DSCAML1: variants seen among roughly 807,000 people sequenced by gnomAD.
The protein encoded by DSCAML1 is DS cell adhesion molecule like 1, also known as cell adhesion molecule DSCAML1.
Under a neutral mutation model 200.5 loss-of-function variants are expected in DSCAML1, and 38 were observed. The ratio of observed to expected loss-of-function variants is 0.19; its 90% CI spans 0.15 to 0.25. DSCAML1 has a LOEUF of 0.25. Among genes scored for constraint, DSCAML1 ranks in the 10% least tolerant of loss-of-function variants. DSCAML1 has a pLI of 1.00. For synonymous variants in DSCAML1, 1,215 were observed against 1,165.0 expected, an observed-to-expected ratio of 1.04 and a Z score of -0.87; for missense variants, 2,223 against 2,858.8, an observed-to-expected ratio of 0.78 and a Z score of 5.07.
chr11:117,671,989 T>A (rs1411655914), intron 3 of DSCAML1, among the ~76,000 whole-genome samples: 1 of 150,804 alleles, frequency 6.6e-6, no homozygotes, highest in Admixed American at 6.6e-5. Context: ...TAGTCCCAGC[T>A]ACTCGGGAGG....
chr11:117,634,519 G>T (rs1409850202), intron 3 of DSCAML1, among the ~76,000 whole-genome samples: 1 of 152,228 alleles, frequency 6.6e-6, no homozygotes, highest in Non-Finnish European at 1.5e-5. Context: ...CATGCTGCAA[G>T]ATGTGGCGGG....
At chr11:117,684,236 A>T (rs2053362499) in intron 3 of DSCAML1, among the ~76,000 whole-genome samples, 1 of 152,050 alleles carries the variant, frequency 6.6e-6, no homozygotes, top group South Asian at 2.1e-4. Flanking sequence ...AGAGCAAAAG[A>T]GGGACAGATC....
intron 3 of DSCAML1, among the ~76,000 whole-genome samples, chr11:117,603,965 A>G (rs768044355): frequency 6.6e-6 from 1 of 152,226 alleles, no homozygotes; most frequent in African/African-American, 2.4e-5. Context: ...TATTGGTTCC[A>G]TTTAATTGAT....
intron 17 of DSCAML1, 25 bp from the exon 18 acceptor site, chr11:117,461,621 A>G: frequency 6.2e-7 from 1 of 1,604,916 alleles, no homozygotes; most frequent in South Asian, 1.1e-5. Flanking sequence ...GGGAGAACCA[A>G]GGGTCCAGTC....
chr11:117,651,075 G>A (rs1448109785), intron 3 of DSCAML1, among the ~76,000 whole-genome samples: 1 of 152,258 alleles, frequency 6.6e-6, no homozygotes, highest in Non-Finnish European at 1.5e-5. Flanking sequence ...GACCATGGGG[G>A]ACATGGACAT....
Position 117,521,147 on chromosome 11 carries a change from G to C in DSCAML1, c.1196C>G (p.Ala399Gly). 2 of 1,612,886 alleles carry C rather than the reference G, an allele frequency of 1.2e-6. No homozygotes were observed. The highest frequency in any genetic ancestry group is 1.7e-6 in the Non-Finnish European group (2 of 1,179,002). Residue 399 changes from alanine to glycine, a missense_variant, in exon 6 of 33, where the codon GCC (alanine) becomes GGC (glycine). Around this residue, in one of 7 missense-constraint regions of DSCAML1, gnomAD observed 579 missense variants for 721.5 expected, o/e 0.80. Coordinates refer to ENST00000651296, the MANE Select transcript of DSCAML1 (RefSeq NM_020693.4). Reference sequence around the variant, plus strand: ...CAGCTCACCCTCAAGTGCAATGATGGCAAAGTCCTGGGCGGTCTGGGCCTT... The same window carrying C: ...CAGCTCACCCTCAAGTGCAATGATGCCAAAGTCCTGGGCGGTCTGGGCCTT... ...TRKAQTAQDF[A>G]IIALEDGTPR... is the part of the protein sequence containing the mutation.
intron 3 of DSCAML1, among the ~76,000 whole-genome samples, chr11:117,710,876 G>A (rs1411693067): frequency 6.6e-6 from 1 of 152,116 alleles, no homozygotes; most frequent in East Asian, 1.9e-4. Flanking sequence ...CGAAAAGAAA[G>A]AGCACATCGA....
chr11:117,701,743 T>C (rs1309157127), intron 3 of DSCAML1, among the ~76,000 whole-genome samples: 1 of 152,226 alleles, frequency 6.6e-6, no homozygotes, highest in Non-Finnish European at 1.5e-5. Flanking sequence ...CCTTCTTGTC[T>C]GTCACCTACA....
intron 16 of DSCAML1, among the ~76,000 whole-genome samples, chr11:117,467,193 A>ACACCCCCCCCCCCCCCCCCCCCCCC (rs1555172719): frequency 9.1e-6 from 1 of 109,516 alleles, no homozygotes; most frequent in African/African-American, 4.4e-5. Context: ...GTGCACACAC[A>ACACCCCCCCCCCCCCCCCCCCCCCC]CCTCCCCCCT....
intron 1 of DSCAML1, among the ~76,000 whole-genome samples, chr11:117,815,971 A>C (rs1179547625): frequency 6.6e-6 from 1 of 152,034 alleles, no homozygotes; most frequent in East Asian, 1.9e-4. Flanking sequence ...AGCTCGTCCC[A>C]GTCCCTTCTA....
intron 1 of DSCAML1, among the ~76,000 whole-genome samples, chr11:117,781,337 G>T (rs2055258489): frequency 6.6e-6 from 1 of 150,736 alleles, no homozygotes; most frequent in East Asian, 1.9e-4. Context: ...GAGAAAAAAA[G>T]AAAATCCCAG....
intron 3 of DSCAML1, among the ~76,000 whole-genome samples, chr11:117,746,453 C>T (rs1259708977): frequency 6.6e-6 from 1 of 152,104 alleles, no homozygotes; most frequent in African/African-American, 2.4e-5. Flanking sequence ...TCCTCTCTGC[C>T]TCTCGTCTTC....
chr11:117,788,363 GT>G (rs1302809793), intron 1 of DSCAML1, among the ~76,000 whole-genome samples: 2 of 152,144 alleles, frequency 1.3e-5, no homozygotes, highest in Admixed American at 6.5e-5. Context: ...GTCTGGCTCT[GT>G]CACCCAGGCT....
intron 1 of DSCAML1, among the ~76,000 whole-genome samples, chr11:117,781,647 G>C (rs1188413175): frequency 2.6e-5 from 4 of 152,208 alleles, no homozygotes; most frequent in African/African-American, 9.6e-5. Flanking sequence ...AAAAGACCCA[G>C]CTTCTAAACC....
At chr11:117,710,633 T>A (rs2053830456) in intron 3 of DSCAML1, among the ~76,000 whole-genome samples, 1 of 152,222 alleles carries the variant, frequency 6.6e-6, no homozygotes. Flanking sequence ...TCCCCATCTG[T>A]AAAATTAGGA....
At position 117,458,860 on chromosome 11, in the gene DSCAML1, C is replaced by T. The variant is rs1041909028; in HGVS notation, c.3462G>A (p.Leu1154=). 19 of 1,614,108 alleles carry T rather than the reference C, an allele frequency of 1.2e-5. No individual in the cohort carries two copies. Among genetic ancestry groups the T allele is most frequent in the Admixed American group, 1.7e-5 (1 of 60,022 alleles). ...NITTTRERVE[L]RGMEKFTNYS... ...AGTTGGTGAACTTCTCCATGCCCCG[C>T]AGCTCCACCCGCTCCCGCGTGGTGG... Residue 1154 remains leucine (L), a synonymous_variant, in exon 19 of 33, where the codon CTG becomes CTA. Transcript: ENST00000651296.
chr11:117,532,389 G>C lies in DSCAML1; in HGVS notation c.645C>G (p.Arg215=). Residue 215 remains arginine (R), a synonymous_variant, in exon 4 of 33, where the codon CGC becomes CGG. Coordinates refer to ENST00000651296, the MANE Select transcript of DSCAML1 (RefSeq NM_020693.4). The part of the protein sequence containing the change: ...SGETRQSNGA[R]LSVTDPAESI... ...CCTCTCCCCTACCTGTCACAGAGAG[G>C]CGTGCCCCATTGCTCTGCCGGGTCT... 6.2e-7 allele frequency: 1 copy of C among 1,613,928 alleles called. No homozygotes were observed. The highest frequency in any genetic ancestry group is 8.5e-7 in the Non-Finnish European group (1 of 1,179,890).
At chr11:117,655,472 T>C (rs949489559) in intron 3 of DSCAML1, among the ~76,000 whole-genome samples, 1 of 152,230 alleles carries the variant, frequency 6.6e-6, no homozygotes, top group Non-Finnish European at 1.5e-5. Flanking sequence ...GTTAAGTATC[T>C]TGCCCAAGAT....
intron 3 of DSCAML1, among the ~76,000 whole-genome samples, chr11:117,736,058 T>A (rs2054309871): frequency 6.6e-6 from 1 of 152,208 alleles, no homozygotes; most frequent in Non-Finnish European, 1.5e-5. Flanking sequence ...GTATTCATTA[T>A]CTACTGCTGC....
Sources: allele counts gnomAD v4.1 joint callset (sites outside exome capture counted in the v4.1 genomes callset), GRCh38; gene constraint gnomAD v4.1.1; regional missense constraint gnomAD v4.1.1; transcripts MANE v1.5; gene names NCBI Gene and HGNC (gene_info 2026-07-23, HGNC 2026-07-21).